DNTT: variants seen among roughly 807,000 people sequenced by gnomAD.
DNTT encodes the protein DNA nucleotidylexotransferase, also known as nucleosidetriphosphate:DNA deoxynucleotidylexotransferase.
In DNTT, 47 loss-of-function variants were observed where a neutral mutation model predicts 60.9. The ratio of observed to expected loss-of-function variants is 0.77; its 90% CI spans 0.61 to 0.98. DNTT has a LOEUF of 0.98. Among genes scored for constraint, DNTT ranks in the 50% least tolerant of loss-of-function variants. The probability of loss-of-function intolerance (pLI) is 0.00; values close to 1 mark genes in which losing one functional copy is unlikely to be tolerated. For synonymous variants in DNTT, 224 were observed against 221.2 expected (o/e 1.01, Z -0.11); for missense variants, 665 against 627.5 (o/e 1.06, Z -0.64).
chr10:96,324,357 A>G lies in DNTT; in HGVS notation c.842A>G (p.Lys281Arg). The change falls in exon 6 of 11, where the codon AAA becomes AGA. Residue 281 changes from lysine to arginine, a missense_variant. Transcript: ENST00000371174. ...FRTLSKVRSD[K>R]SLKFTRMQKA... ...ACTCTGAGTAAAGTAAGGTCGGACA[A>G]AAGCCTGAAATTTACACGAATGCAG... 1 of 1,613,886 alleles carries G rather than the reference A, an allele frequency of 6.2e-7. No homozygotes were observed.
Position 96,326,420 on chromosome 10 carries a change from T to C in DNTT, c.875-1048T>C, listed in dbSNP as rs574300585. Among the ~76,000 whole-genome samples, 18 of 152,346 alleles carry C rather than the reference T, an allele frequency of 1.2e-4. No homozygotes were observed. The East Asian group carries it at 2.7e-3, about 23-fold the overall frequency. On this transcript the variant is annotated intron_variant, in intron 6 of 10. Coordinates refer to ENST00000371174, the MANE Select transcript of DNTT (RefSeq NM_004088.4). Reference sequence around the variant, plus strand: ...GACACAGTTTATAGGTGTATTCATATGAATACCATTTTCTCTTGGTCTTGC... The same window carrying C: ...GACACAGTTTATAGGTGTATTCATACGAATACCATTTTCTCTTGGTCTTGC...
intron 5 of DNTT, 145 bp from the exon 6 acceptor site, chr10:96,324,121 C>A: frequency 9.3e-7 from 1 of 1,070,576 alleles, no homozygotes; most frequent in Non-Finnish European, 1.3e-6. Context: ...TAACCATCAC[C>A]CACCTGCTCG....
At chr10:96,316,582 A>G (rs900307744) in intron 1 of DNTT, among the ~76,000 whole-genome samples, 1 of 152,088 alleles carries the variant, frequency 6.6e-6, no homozygotes, top group Non-Finnish European at 1.5e-5. Context: ...ATTACTTCCC[A>G]ATATAAACTC....
At chr10:96,307,010 G>A (rs1213824165) in intron 1 of DNTT, among the ~76,000 whole-genome samples, 1 of 152,196 alleles carries the variant, frequency 6.6e-6, no homozygotes, top group African/African-American at 2.4e-5. Context: ...ATGGGACAAG[G>A]TCCCCTCTCT....
At chr10:96,319,504 C>T in intron 3 of DNTT, 114 bp downstream of exon 3, 2 of 1,459,200 alleles carry the variant, frequency 1.4e-6, no homozygotes, top group Non-Finnish European at 1.9e-6. Flanking sequence ...TTTCCTCCCA[C>T]CTACCTGCAG....
At chr10:96,326,817 C>G (rs1371037739) in intron 6 of DNTT, among the ~76,000 whole-genome samples, 2 of 152,174 alleles carry the variant, frequency 1.3e-5, no homozygotes, top group Admixed American at 6.5e-5. Context: ...ATCTAATCAC[C>G]AGGCTCATCT....
chr10:96,323,997 T>C (rs1589374042), intron 5 of DNTT, among the ~76,000 whole-genome samples: 1 of 152,284 alleles, frequency 6.6e-6, no homozygotes, highest in East Asian at 1.9e-4. Context: ...GGCCGTCAAT[T>C]AGACTATACC....
At chr10:96,315,114 G>A (rs1358907930) in intron 1 of DNTT, among the ~76,000 whole-genome samples, 1 of 152,136 alleles carries the variant, frequency 6.6e-6, no homozygotes, top group East Asian at 1.9e-4. Context: ...GCCGAACTCA[G>A]GCAACACAAG....
In DNTT at chr10:96,318,350, A is replaced by C. The variant is rs1255624650; in HGVS notation, c.204-2A>C. The C allele has an allele frequency of 1.2e-6, 2 of 1,607,702 alleles. No homozygotes were observed. The highest frequency in any genetic ancestry group is 4.5e-5 in the East Asian group (2 of 44,732). ...CTGGTAACTCTGTCTTGCATTTTGC[A>C]GTGATTCTGTCACCCACATCGTAGC... is the stretch of plus-strand genomic sequence containing the variant. On this transcript the variant is annotated splice_acceptor_variant, in intron 1 of 10. Coordinates refer to ENST00000371174, the MANE Select transcript of DNTT (RefSeq NM_004088.4). LOFTEE classifies it high-confidence loss of function.
chr10:96,335,163 T>C lies in DNTT; in HGVS notation c.1360-728T>C, dbSNP rs1487087829. Among the ~76,000 whole-genome samples, 7 of 152,242 alleles carry C rather than the reference T, an allele frequency of 4.6e-5. No individual in the cohort carries two copies. In the East Asian group the frequency reaches 1.2e-3, roughly 25 times the overall value. ...GGACAAAATTTCTAGATTGTGTTTCTCTCAGGAAAACTAGTCTCCATGACA... is the reference window on the plus strand; with the variant it reads ...GGACAAAATTTCTAGATTGTGTTTCCCTCAGGAAAACTAGTCTCCATGACA... On this transcript the variant is annotated intron_variant, in intron 9 of 10. Transcript: ENST00000371174.
intron 8 of DNTT, among the ~76,000 whole-genome samples, chr10:96,331,166 C>T (rs1296911647): frequency 6.6e-6 from 1 of 152,186 alleles, no homozygotes; most frequent in Admixed American, 6.5e-5. Context: ...GGTGGACTAA[C>T]ACTCTCATGA....
intron 1 of DNTT, among the ~76,000 whole-genome samples, chr10:96,307,705 GTATA>G (rs1203030676): frequency 2.1e-4 from 11 of 52,882 alleles, no homozygotes; most frequent in African/African-American, 5.3e-4. Flanking sequence ...GTGTGTGTGT[GTATA>G]TATATATATA....
Position 96,327,526 on chromosome 10 carries a change from C to T in DNTT, c.933C>T (p.Val311=), listed in dbSNP as rs574736710. ...TGACCAGGGCAGAAGCAGAGGCCGT[C>T]AGTGTGCTGGTTAAAGAGGCTGTCT... ...SCVTRAEAEA[V]SVLVKEAVWA... Residue 311 remains valine, a synonymous_variant, in exon 7 of 11, where the codon GTC becomes GTT. Transcript: ENST00000371174. The T allele has an allele frequency of 1.9e-6, 3 of 1,614,146 alleles. No individual in the cohort carries two copies. The South Asian group carries it at 3.3e-5, about 18-fold the overall frequency.
At position 96,332,386 on chromosome 10, in the gene DNTT, AT is replaced by A; in HGVS notation, c.1152del (p.Phe384LeufsTer22). ...LLYYDLVEST[F>X]EKLRLPSRKV... is the part of the protein sequence containing the mutation. ...TATATTATGACCTTGTGGAGTCAAC[AT>A]TTGAAAAGCTCAGGTTGCCTAGCAG... On this transcript the variant is annotated frameshift_variant, in exon 9 of 11. Coordinates refer to ENST00000371174, the MANE Select transcript of DNTT (RefSeq NM_004088.4). LOFTEE classifies it high-confidence loss of function. 3.1e-6 allele frequency: 5 copies of A among 1,614,168 alleles called. No individual in the cohort carries two copies. The highest frequency in any genetic ancestry group is 4.2e-6 in the Non-Finnish European group (5 of 1,180,000).
rs1844662732 is a variant in DNTT, at chr10:96,307,796, G to A, written c.203+3096G>A. The stretch of plus-strand genomic sequence containing the variant: ...ATATATATTTTTTTTTTTTGAGGCA[G>A]GGTCTTGTTCTGTCACGCAGGCTGG... On this transcript the variant is annotated intron_variant, in intron 1 of 10. Transcript: ENST00000371174. Among the ~76,000 whole-genome samples the A allele has an allele frequency of 1.2e-4, 15 of 128,910 alleles. 1 individual carries two copies. The South Asian group carries it at 3.6e-3, about 31-fold the overall frequency. 84.6% of individuals were successfully genotyped at this position (128,910 alleles called of 152,430 possible).
intron 6 of DNTT, among the ~76,000 whole-genome samples, chr10:96,325,154 A>C (rs966625194): frequency 3.3e-5 from 5 of 152,226 alleles, no homozygotes; most frequent in African/African-American, 1.2e-4. Context: ...GTGTTTAAAA[A>C]AATGTTTACT....
At position 96,319,393 on chromosome 10, in the gene DNTT, A is replaced by C. The variant is rs960053872; in HGVS notation, c.507+3A>C. 1.9e-6 allele frequency: 3 copies of C among 1,613,590 alleles called. No homozygotes were observed. Among genetic ancestry groups the C allele is most frequent in the South Asian group, 2.2e-5 (2 of 91,050 alleles). ...ACAACTGTAACCAGATATTCACGGT[A>C]ACGGGACTTTACATCAACACCCAGG... On this transcript the variant is annotated splice_donor_region_variant and intron_variant, in intron 3 of 10. Coordinates refer to ENST00000371174, the MANE Select transcript of DNTT (RefSeq NM_004088.4).
chr10:96,318,339 T>C lies in DNTT; in HGVS notation c.204-13T>C. 6.2e-7 allele frequency: 1 copy of C among 1,603,456 alleles called. No individual in the cohort carries two copies. Among genetic ancestry groups the C allele is most frequent in the Non-Finnish European group, 8.5e-7 (1 of 1,173,116 alleles). ...AGATGTTTCAGCTGGTAACTCTGTC[T>C]TGCATTTTGCAGTGATTCTGTCACC... On this transcript the variant is annotated splice_polypyrimidine_tract_variant and intron_variant, in intron 1 of 10. Coordinates refer to ENST00000371174, the MANE Select transcript of DNTT (RefSeq NM_004088.4).
chr10:96,313,501 CA>C (rs1276609299), intron 1 of DNTT, among the ~76,000 whole-genome samples: 1 of 152,138 alleles, frequency 6.6e-6, no homozygotes, highest in Admixed American at 6.5e-5. Context: ...CACAGTCTAG[CA>C]GAACGTTAAG....
Sources: gnomAD v4.1 joint callset for allele counts (sites outside exome capture counted in the v4.1 genomes callset) on GRCh38, gnomAD v4.1.1 for gene constraint, MANE v1.5 for transcripts, NCBI Gene and HGNC (gene_info 2026-07-23, HGNC 2026-07-21) for gene names.